Variants in DTD1 observed in about 807,000 individuals in gnomAD.
The protein encoded by DTD1 is D-aminoacyl-tRNA deacylase 1.
DTD1 carries 13 observed loss-of-function variants against 25.6 expected under a neutral mutation model. The ratio of observed to expected loss-of-function variants is 0.51; its 90% confidence interval spans 0.33 to 0.81. The LOEUF (loss-of-function observed/expected upper bound fraction) is 0.81. Among genes scored for constraint, DTD1 ranks in the 30% least tolerant of loss-of-function variants. DTD1 has a pLI of 0.02. For missense variants in DTD1, 193 were observed against 266.4 expected (o/e 0.72, Z 1.92); for synonymous variants, 110 against 103.6 (o/e 1.06, Z -0.37).
chr20:18,619,215 T>G (rs1359246101), intron 3 of DTD1, among the ~76,000 whole-genome samples: 7 of 152,190 alleles, frequency 4.6e-5, no homozygotes, highest in African/African-American at 1.7e-4. Context: ...TGCTATGAGT[T>G]GCAGCTATCT....
At chr20:18,696,364 T>C (rs1326427860) in intron 4 of DTD1, among the ~76,000 whole-genome samples, 1 of 152,070 alleles carries the variant, frequency 6.6e-6, no homozygotes, top group Non-Finnish European at 1.5e-5. Context: ...ATCTGTAGTT[T>C]CCACGTCTTT....
At chr20:18,637,594 A>T (rs542955814) in intron 4 of DTD1, among the ~76,000 whole-genome samples, 1 of 152,302 alleles carries the variant, frequency 6.6e-6, no homozygotes, top group South Asian at 2.1e-4. Context: ...GGAATGCCTT[A>T]CTCATCTGTC....
intron 4 of DTD1, among the ~76,000 whole-genome samples, chr20:18,682,502 T>C (rs910420141): frequency 6.6e-6 from 1 of 152,192 alleles, no homozygotes; most frequent in Non-Finnish European, 1.5e-5. Flanking sequence ...TTAGGACCCA[T>C]GTGTGGCCTC....
intron 3 of DTD1, among the ~76,000 whole-genome samples, chr20:18,612,571 C>G (rs947017134): frequency 6.6e-6 from 1 of 152,174 alleles, no homozygotes; most frequent in Admixed American, 6.5e-5. Context: ...ATCGAACCAG[C>G]AGCTGTCTCT....
At chr20:18,636,432 G>T (rs2060807620) in intron 4 of DTD1, among the ~76,000 whole-genome samples, 1 of 152,222 alleles carries the variant, frequency 6.6e-6, no homozygotes, top group Non-Finnish European at 1.5e-5. Context: ...TTTAGTAATG[G>T]AGAGAGAATG....
chr20:18,699,978 A>C (rs895714130), intron 4 of DTD1, among the ~76,000 whole-genome samples: 3 of 152,210 alleles, frequency 2.0e-5, no homozygotes, highest in African/African-American at 7.2e-5. Context: ...ACTAATAATG[A>C]ATCTGCAGGC....
intron 4 of DTD1, among the ~76,000 whole-genome samples, chr20:18,655,944 T>C (rs2060890082): frequency 6.6e-6 from 1 of 152,036 alleles, no homozygotes; most frequent in Non-Finnish European, 1.5e-5. Context: ...TAATTTTTTA[T>C]GTTTTTAGTA....
intron 2 of DTD1, among the ~76,000 whole-genome samples, chr20:18,595,109 T>C (rs2060605029): frequency 6.6e-6 from 1 of 152,214 alleles, no homozygotes; most frequent in South Asian, 2.1e-4. Context: ...CTGGTCAACT[T>C]TCTTGCCATG....
chr20:18,588,188 C>T (rs979987736), intron 1 of DTD1, 73 bp downstream of exon 1: 74 of 1,187,612 alleles, frequency 6.2e-5, no homozygotes, highest in Non-Finnish European at 7.3e-5. Flanking sequence ...CGTGGGGGGT[C>T]TTCCTGCGCC....
intron 4 of DTD1, among the ~76,000 whole-genome samples, chr20:18,646,527 G>A (rs1188604260): frequency 6.6e-6 from 1 of 152,194 alleles, no homozygotes; most frequent in Non-Finnish European, 1.5e-5. Context: ...CCTAAAGCAG[G>A]TCTGGGAGTT....
intron 4 of DTD1, among the ~76,000 whole-genome samples, chr20:18,664,881 C>CA (rs1472401579): frequency 1.3e-5 from 2 of 148,958 alleles, no homozygotes; most frequent in Non-Finnish European, 3.0e-5. Flanking sequence ...CTAGTTGCCT[C>CA]AAATCCCATC....
At chr20:18,644,550 G>A (rs6081272) in intron 4 of DTD1, among the ~76,000 whole-genome samples, 46,893 of 152,088 alleles carry the variant, frequency 0.31, 7,700 homozygotes, top group Non-Finnish European at 0.37. Context: ...TTTCTTTTAT[G>A]CTTCTTTCAT....
intron 4 of DTD1, among the ~76,000 whole-genome samples, chr20:18,682,943 T>C (rs2061003179): frequency 1.3e-5 from 2 of 152,244 alleles, no homozygotes; most frequent in African/African-American, 2.4e-5. Flanking sequence ...AATATGTATA[T>C]GCTCAAACTT....
At chr20:18,661,344 C>CT (rs1359345159) in intron 4 of DTD1, among the ~76,000 whole-genome samples, 2 of 146,192 alleles carry the variant, frequency 1.4e-5, no homozygotes, top group Non-Finnish European at 3.0e-5. Context: ...AGAGATTTAA[C>CT]TTTTTTACTG....
At chr20:18,666,262 G>A (rs567467576) in intron 4 of DTD1, among the ~76,000 whole-genome samples, 3 of 152,122 alleles carry the variant, frequency 2.0e-5, no homozygotes, top group Admixed American at 6.5e-5. Context: ...TTCTCATATC[G>A]TGTCAAGGGG....
At chr20:18,728,683 T>G (rs113314378) in intron 4 of DTD1, among the ~76,000 whole-genome samples, 1 of 152,168 alleles carries the variant, frequency 6.6e-6, no homozygotes, top group African/African-American at 2.4e-5. Flanking sequence ...GAGGCCTCAT[T>G]TGCATAGGAA....
At position 18,708,082 on chromosome 20, in the gene DTD1, AT is replaced by A. The variant is rs1392953318; in HGVS notation, c.478-36017del. ...TGAAATGTGCCTGGTCCCAATTGAG[AT>A]GTGCCGTGGGTATACAGTACACACT... On this transcript the variant is annotated intron_variant, in intron 4 of 5. Transcript: ENST00000377452. Among the ~76,000 whole-genome samples the A allele has an allele frequency of 2.0e-5, 3 of 147,862 alleles. No homozygotes were observed. The East Asian group carries it at 6.0e-4, about 30-fold the overall frequency.
intron 3 of DTD1, among the ~76,000 whole-genome samples, chr20:18,620,699 A>G (rs1407426229): frequency 1.3e-5 from 2 of 152,042 alleles, no homozygotes; most frequent in African/African-American, 4.8e-5. Flanking sequence ...GGCTCAAGCA[A>G]TCCTCCTGCC....
At chr20:18,627,932 C>T (rs1036791288) in intron 3 of DTD1, among the ~76,000 whole-genome samples, 195 bp from the exon 4 acceptor site, 1 of 152,160 alleles carries the variant, frequency 6.6e-6, no homozygotes, top group Admixed American at 6.5e-5. Flanking sequence ...ATTTGCTTCT[C>T]CTTGCCTTCC....
Sources: allele counts gnomAD v4.1 joint callset (sites outside exome capture counted in the v4.1 genomes callset), GRCh38; gene constraint gnomAD v4.1.1; transcripts MANE v1.5; gene names NCBI Gene and HGNC (gene_info 2026-07-23, HGNC 2026-07-21).